The following FLNC variants were observed in gnomAD, a reference collection of about 807,000 sequenced individuals.
FLNC encodes the protein filamin C.
In FLNC, 91 loss-of-function variants were observed where a neutral mutation model predicts 254.3. The observed-to-expected ratio is 0.36, with a 90% confidence interval of 0.30 to 0.43. The LOEUF (loss-of-function observed/expected upper bound fraction) is 0.43. Among genes scored for constraint, FLNC ranks in the 20% least tolerant of loss-of-function variants. The pLI is 1.00. For missense variants in FLNC, 2,853 were observed against 3,802.6 expected, an observed-to-expected ratio of 0.75 and a Z score of 6.57; for synonymous variants, 1,430 against 1,577.2, an observed-to-expected ratio of 0.91 and a Z score of 2.21.
At chr7:128,846,569 CAGGGGTG>C in intron 23 of FLNC, 106 bp downstream of exon 23, 2 of 1,470,806 alleles carry the variant, frequency 1.4e-6, no homozygotes, top group Non-Finnish European at 9.4e-7. Context: ...CATCCTCTCT[CAGGGGTG>C]AGGCAGGAGC....
In FLNC at chr7:128,842,367, C is replaced by T; in HGVS notation, c.2258C>T (p.Pro753Leu). 1 of 1,613,438 alleles carries T rather than the reference C, an allele frequency of 6.2e-7. No individual in the cohort carries two copies. The highest frequency in any genetic ancestry group is 8.5e-7 in the Non-Finnish European group (1 of 1,179,964). Residue 753 changes from proline (P) to leucine (L), a missense_variant, in exon 14 of 48, where the codon CCC becomes CTC. Pro to Leu is a moderately conservative substitution (Grantham distance 98, BLOSUM62 -3). This residue lies in a region of FLNC where 1,573 missense variants were observed against 1,883.5 expected (regional missense o/e 0.84). Transcript: ENST00000325888. This position sits in a 1 kb window ranked among gnomAD's most constrained non-coding sequence, Gnocchi z 5.4. ...SWGGVNVPKS[P>L]FRVNVGEGSH... The stretch of plus-strand genomic sequence containing the variant: ...GGAGGCGTAAACGTGCCCAAGAGCC[C>T]CTTCCGGGTGCGTCCTCCCGGCCTG...
At chr7:128,851,199 C>G (rs1808795928) in intron 33 of FLNC, 33 bp from the exon 34 acceptor site, 1 of 1,613,610 alleles carries the variant, frequency 6.2e-7, no homozygotes, top group African/African-American at 1.3e-5. Flanking sequence ...ATCCCTGATG[C>G]TGACCCAGCC....
In FLNC at chr7:128,848,638, G is replaced by A; in HGVS notation, c.4658G>A (p.Gly1553Asp). Residue 1553 changes from glycine to aspartate, a missense_variant, in exon 27 of 48, where the codon GGC (glycine) becomes GAC (aspartate). Gly to Asp is a moderately conservative substitution (Grantham distance 94). Coordinates refer to ENST00000325888, the MANE Select transcript of FLNC (RefSeq NM_001458.5). ...RASGPGLNAS[G>D]IPASLPVEFT... ...AGCGGCCCAGGCCTCAACGCCTCTGGCATCCCTGCCAGCCTGCCTGTGGAG... is the reference window on the plus strand; with the variant it reads ...AGCGGCCCAGGCCTCAACGCCTCTGACATCCCTGCCAGCCTGCCTGTGGAG... 1 of 1,613,446 alleles carries A rather than the reference G, an allele frequency of 6.2e-7. No homozygotes were observed. The highest frequency in any genetic ancestry group is 8.5e-7 in the Non-Finnish European group (1 of 1,180,032).
chr7:128,836,237 C>A lies in FLNC; in HGVS notation c.601+663C>A, dbSNP rs1196460422. Among the ~76,000 whole-genome samples the A allele has an allele frequency of 1.3e-5, 2 of 152,206 alleles. No homozygotes were observed. The highest frequency in any genetic ancestry group is 2.4e-5 in the African/African-American group (1 of 41,446). ...TACCCCATGGACAGCTCCCTTTCTG[C>A]CCCTCATCTCCTGAAAAGATAGGTT... On this transcript the variant is annotated intron_variant, in intron 2 of 47. Transcript: ENST00000325888. The surrounding 1 kb of genome is among the most constrained non-coding windows in gnomAD (Gnocchi z 6.0).
At position 128,844,134 on chromosome 7, in the gene FLNC, A is replaced by G; in HGVS notation, c.3060A>G (p.Gly1020=). 1 of 1,613,940 alleles carries G rather than the reference A, an allele frequency of 6.2e-7. No homozygotes were observed. The highest frequency in any genetic ancestry group is 1.1e-5 in the South Asian group (1 of 91,084). ...CCTGCAAGCTGGAGCCAGGCGGTGG[A>G]GCGGAAGCCCAGGCTGTGCGCTACA... is the stretch of plus-strand genomic sequence containing the variant. ...PIPCKLEPGG[G]AEAQAVRYMP... is the part of the protein sequence containing the mutation. The change falls in exon 20 of 48, where the codon GGA becomes GGG. Residue 1020 remains glycine (G), a synonymous_variant. Transcript: ENST00000325888.
intron 21 of FLNC, 107 bp downstream of exon 21, chr7:128,845,362 T>C (rs1414615755): frequency 1.8e-5 from 16 of 907,336 alleles, no homozygotes; most frequent in Non-Finnish European, 2.6e-5. Flanking sequence ...CAACCTGGGG[T>C]GAAGGGAGGG....
At chr7:128,846,256 G>A (rs1244660272) in intron 22 of FLNC, 45 bp from the exon 23 acceptor site, 2 of 1,611,674 alleles carry the variant, frequency 1.2e-6, no homozygotes, top group African/African-American at 2.7e-5. Context: ...GAGGGGTGGT[G>A]GGGGCGCACA....
rs1210344550 is a variant in FLNC, at chr7:128,830,422, G to A, written c.-216G>A. 1.0e-5 allele frequency: 6 copies of A among 581,216 alleles called. No homozygotes were observed. Among genetic ancestry groups the A allele is most frequent in the Admixed American group, 3.2e-5 (1 of 30,816 alleles). 36.0% of individuals were successfully genotyped at this position (581,216 alleles called of 1,614,324 possible). Reference sequence around the variant, plus strand: ...GCCCAGCCCGCCCTTCCCGAGCACCGCTCCGGCCCTGGAGGGAGAGAGAGC... The same window carrying A: ...GCCCAGCCCGCCCTTCCCGAGCACCACTCCGGCCCTGGAGGGAGAGAGAGC... On this transcript the variant is annotated 5_prime_UTR_variant, in exon 1 of 48. Coordinates refer to ENST00000325888, the MANE Select transcript of FLNC (RefSeq NM_001458.5).
Position 128,856,416 on chromosome 7 carries a change from G to C in FLNC, c.7252-102G>C. Reference sequence around the variant, plus strand: ...CCAGGCTGGGCATGGGGTGGCAGCAGCCTTTGGGCTGGGCTTACAGTGAGC... The same window carrying C: ...CCAGGCTGGGCATGGGGTGGCAGCACCCTTTGGGCTGGGCTTACAGTGAGC... On this transcript the variant is annotated intron_variant, in intron 43 of 47. Transcript: ENST00000325888. This position sits in a 1 kb window ranked among gnomAD's most constrained non-coding sequence, Gnocchi z 5.9. The C allele has an allele frequency of 1.3e-6, 2 of 1,493,516 alleles. No individual in the cohort carries two copies. Among genetic ancestry groups the C allele is most frequent in the South Asian group, 2.3e-5 (2 of 88,016 alleles). 92.5% of individuals were successfully genotyped at this position (1,493,516 alleles called of 1,614,324 possible).
At position 128,858,102 on chromosome 7, in the gene FLNC, C is replaced by T. The variant is rs373614270; in HGVS notation, c.7875C>T (p.Tyr2625=). 43 of 1,613,526 alleles carry T rather than the reference C, an allele frequency of 2.7e-5. No homozygotes were observed. Among genetic ancestry groups the T allele is most frequent in the Non-Finnish European group, 3.5e-5 (41 of 1,179,830 alleles). ...CCTCCTCAAGCCGGGGCTCCAGCTA[C>T]AGCTCCATCCCCAAGTTCTCCTCAG... ...TKSSSSRGSS[Y]SSIPKFSSDA... is the part of the protein sequence containing the mutation. The change falls in exon 47 of 48, where the codon TAC becomes TAT. Residue 2625 remains tyrosine (Y), a synonymous_variant. Transcript: ENST00000325888. This position sits in a 1 kb window ranked among gnomAD's most constrained non-coding sequence, Gnocchi z 6.7.
chr7:128,855,089 A>T, intron 42 of FLNC, 110 bp from the exon 43 acceptor site: 1 of 1,066,676 alleles, frequency 9.4e-7, no homozygotes, highest in South Asian at 1.3e-5. Flanking sequence ...GTCTGCCTCC[A>T]GATCTGAGCG....
Position 128,854,555 on chromosome 7 carries a change from C to T in FLNC, c.6870C>T (p.Val2290=). ...AAATGGGGCCCCATACGGTCGCTGT[C>T]AAGTACCGTGGCCAGCACGTGCCCG... ...PQEMGPHTVA[V]KYRGQHVPGS... The change falls in exon 41 of 48, where the codon GTC becomes GTT. Residue 2290 remains valine, a synonymous_variant. Transcript: ENST00000325888. The T allele has an allele frequency of 3.1e-6, 5 of 1,608,228 alleles. No individual in the cohort carries two copies. The highest frequency in any genetic ancestry group is 4.2e-6 in the Non-Finnish European group (5 of 1,177,872).
intron 26 of FLNC, 41 bp from the exon 27 acceptor site, chr7:128,848,520 C>A: frequency 6.2e-7 from 1 of 1,610,884 alleles, no homozygotes. Flanking sequence ...CCGCCCCGTC[C>A]ATGCCACCCA....
chr7:128,847,181 C>T (rs908411187), intron 24 of FLNC, among the ~76,000 whole-genome samples: 3 of 152,232 alleles, frequency 2.0e-5, no homozygotes, highest in Non-Finnish European at 4.4e-5. Context: ...GTCCACCACT[C>T]ACTGTGTGTC....
At position 128,840,980 on chromosome 7, in the gene FLNC, T is replaced by TG. The variant is rs1220165791; in HGVS notation, c.1813+16dup. The TG allele has an allele frequency of 3.8e-6, 6 of 1,581,270 alleles. No individual in the cohort carries two copies. Among genetic ancestry groups the TG allele is most frequent in the Non-Finnish European group, 5.2e-6 (6 of 1,163,484 alleles). On this transcript the variant is annotated intron_variant, in intron 11 of 47. Transcript: ENST00000325888. ...GAGGTGGGGACACTGGGTAAGTGGC[T>TG]GGGGGGCAGGAGGAGGGAGTGCTGC...
Position 128,848,827 on chromosome 7 carries a change from G to A in FLNC, c.4772G>A (p.Arg1591Gln), listed in dbSNP as rs755741955. The A allele has an allele frequency of 6.2e-6, 10 of 1,614,036 alleles. No homozygotes were observed. Among genetic ancestry groups the A allele is most frequent in the Admixed American group, 3.3e-5 (2 of 59,998 alleles). ...GGTAAGCCCAAGAAGGCCAACATCC[G>A]GGACAATGGGGATGGCACGTACACT... ...PEGKPKKANI[R>Q]DNGDGTYTVS... Residue 1591 changes from arginine to glutamine, a missense_variant, in exon 28 of 48, where the codon CGG (arginine) becomes CAG (glutamine). By Grantham distance (43) the Arg-to-Gln change is conservative. Coordinates refer to ENST00000325888, the MANE Select transcript of FLNC (RefSeq NM_001458.5).
rs780685346 is a variant in FLNC, at chr7:128,851,578, G to A, written c.5792G>A (p.Arg1931His). ...CCTGGAGACTACAGCATCATCGTGC[G>A]CTTCGATGACAAGCACATCCCGGGG... ...TAPGDYSIIV[R>H]FDDKHIPGSP... The change falls in exon 35 of 48, where the codon CGC becomes CAC. Residue 1931 changes from arginine (R) to histidine (H), a missense_variant. By Grantham distance (29) the Arg-to-His change is conservative (BLOSUM62 0). Transcript: ENST00000325888. 23 of 1,613,832 alleles carry A rather than the reference G, an allele frequency of 1.4e-5. No individual in the cohort carries two copies. Among genetic ancestry groups the A allele is most frequent in the African/African-American group, 4.0e-5 (3 of 74,924 alleles).
At chr7:128,855,136 G>A in intron 42 of FLNC, 63 bp from the exon 43 acceptor site, 1 of 1,228,534 alleles carries the variant, frequency 8.1e-7, no homozygotes, top group Non-Finnish European at 1.2e-6. Flanking sequence ...AGGCCAGGGT[G>A]GGGAGGCTCC....
In FLNC at chr7:128,842,981, C is replaced by A. The variant is rs780066692; in HGVS notation, c.2550+27C>A. On this transcript the variant is annotated intron_variant, in intron 16 of 47. Transcript: ENST00000325888. The surrounding 1 kb of genome is among the most constrained non-coding windows in gnomAD (Gnocchi z 5.4). Reference sequence around the variant, plus strand: ...TACCTAAGCTCCTGGGTACTCACAGCGACATGCACCTGCCAGCTCCAGAAG... The same window carrying A: ...TACCTAAGCTCCTGGGTACTCACAGAGACATGCACCTGCCAGCTCCAGAAG... 1.2e-6 allele frequency: 2 copies of A among 1,612,374 alleles called. No homozygotes were observed. The highest frequency in any genetic ancestry group is 4.5e-5 in the East Asian group (2 of 44,874).
Sources: gnomAD v4.1 joint callset for allele counts (sites outside exome capture counted in the v4.1 genomes callset) on GRCh38, gnomAD v4.1.1 for gene constraint, gnomAD v4.1.1 regional missense constraint, Gnocchi (gnomAD v3.1) non-coding constraint, MANE v1.5 for transcripts, NCBI Gene and HGNC (gene_info 2026-07-23, HGNC 2026-07-21) for gene names.